GPD1L: variants seen among roughly 807,000 people sequenced by gnomAD.
GPD1L encodes the protein glycerol-3-phosphate dehydrogenase 1-like protein.
GPD1L carries 17 observed loss-of-function variants against 32.9 expected under a neutral mutation model. The observed-to-expected ratio is 0.52, with a 90% CI of 0.35 to 0.78. The LOEUF is 0.78. Ranked by LOEUF, GPD1L falls within the 30% of genes least tolerant of loss-of-function variation. The pLI is 0.01. For synonymous variants in GPD1L, 187 were observed against 165.9 expected, an observed-to-expected ratio of 1.13 and a Z score of -0.98; for missense variants, 361 against 447.8, an observed-to-expected ratio of 0.81 and a Z score of 1.75.
At position 32,161,652 on chromosome 3, in the gene GPD1L, G is replaced by T. The variant is rs191571799; in HGVS notation, c.959+1978G>T. The stretch of plus-strand genomic sequence containing the variant: ...TGGGCATTAGCCTGTTAGCTCCAGG[G>T]GGACATGGACTAGAATTGCGATTCT... On this transcript the variant is annotated intron_variant, in intron 7 of 7. Coordinates refer to ENST00000282541, the MANE Select transcript of GPD1L (RefSeq NM_015141.4). Among the ~76,000 whole-genome samples, 12 of 152,324 alleles carry T rather than the reference G, an allele frequency of 7.9e-5. No homozygotes were observed. The East Asian group carries it at 2.1e-3, about 27-fold the overall frequency.
intron 1 of GPD1L, among the ~76,000 whole-genome samples, chr3:32,119,175 C>A (rs1224631257): frequency 6.6e-6 from 1 of 152,148 alleles, no homozygotes; most frequent in East Asian, 1.9e-4. Flanking sequence ...ATTTTTAATT[C>A]TTTGAGGGAC....
intron 1 of GPD1L, among the ~76,000 whole-genome samples, chr3:32,121,985 G>A (rs1700430466): frequency 6.6e-6 from 1 of 151,874 alleles, no homozygotes; most frequent in South Asian, 2.1e-4. Flanking sequence ...TGGTCAGGCT[G>A]GTCTTGAACT....
chr3:32,108,403 A>G (rs1468896946), intron 1 of GPD1L, among the ~76,000 whole-genome samples: 1 of 152,180 alleles, frequency 6.6e-6, no homozygotes, highest in Non-Finnish European at 1.5e-5. Context: ...GCTACTTGGG[A>G]TGCTAAGGCA....
intron 4 of GPD1L, among the ~76,000 whole-genome samples, chr3:32,144,979 C>T (rs868024683): frequency 1.9e-4 from 28 of 150,470 alleles, no homozygotes; most frequent in African/African-American, 6.8e-4. Context: ...GCTGGGATTA[C>T]AGGCATGAGC....
chr3:32,143,963 CAG>C (rs1368443105), intron 4 of GPD1L, among the ~76,000 whole-genome samples: 1 of 152,110 alleles, frequency 6.6e-6, no homozygotes, highest in Non-Finnish European at 1.5e-5. Context: ...GCCTGGGTGA[CAG>C]AGCAAGACCT....
chr3:32,165,133 G>A (rs1701127792), intron 7 of GPD1L, among the ~76,000 whole-genome samples: 1 of 152,180 alleles, frequency 6.6e-6, no homozygotes, highest in African/African-American at 2.4e-5. Context: ...TTGAATCCAG[G>A]AGGCAGAGGT....
intron 1 of GPD1L, among the ~76,000 whole-genome samples, chr3:32,124,366 A>T (rs543009473): frequency 5.5e-4 from 84 of 151,948 alleles, no homozygotes; most frequent in African/African-American, 1.9e-3. Context: ...CCCCCGGCCC[A>T]TTTCTTTAGA....
At chr3:32,160,106 C>T (rs944806000) in intron 7 of GPD1L, among the ~76,000 whole-genome samples, 1 of 151,506 alleles carries the variant, frequency 6.6e-6, no homozygotes, top group African/African-American at 2.4e-5. Context: ...TAGAAGGTAG[C>T]TCTGTTAAGT....
At position 32,106,710 on chromosome 3, in the gene GPD1L, C is replaced by T. The variant is rs1194776697; in HGVS notation, c.-2C>T. 6.4e-7 allele frequency: 1 copy of T among 1,562,224 alleles called. No homozygotes were observed. Among genetic ancestry groups the T allele is most frequent in the Non-Finnish European group, 8.7e-7 (1 of 1,155,490 alleles). On this transcript the variant is annotated 5_prime_UTR_variant, in exon 1 of 8. Coordinates refer to ENST00000282541, the MANE Select transcript of GPD1L (RefSeq NM_015141.4). The surrounding 1 kb of genome is among the most constrained non-coding windows in gnomAD (Gnocchi z 4.0). ...GTCCAGGCGGCTACATTCGGCCCGG[C>T]CATGGCAGCGGCGCCCCTGAAAGTG...
rs1575125044 is a variant in GPD1L at position 32,165,882 on chromosome 3, G to A, written c.1028G>A (p.Cys343Tyr). 2 of 1,602,452 alleles carry A rather than the reference G, an allele frequency of 1.2e-6. No individual in the cohort carries two copies. Among genetic ancestry groups the A allele is most frequent in the African/African-American group, 1.3e-5 (1 of 74,790 alleles). The change falls in exon 8 of 8, where the codon TGT (cysteine) becomes TAT (tyrosine). Residue 343 changes from cysteine (C) to tyrosine (Y), a missense_variant. Physicochemically the swap from Cys to Tyr is radical, Grantham distance 194 (BLOSUM62 -2). Transcript: ENST00000282541. ...AGACCAGTTCAAGAGATGTTGTCTT[G>A]TCTTCAGAGCCATCCAGAGCATACA... ...ESRPVQEMLS[C>Y]LQSHPEHT
chr3:32,158,938 G>A lies in GPD1L; in HGVS notation c.681G>A (p.Ala227=), dbSNP rs973664942. The change falls in exon 6 of 8, where the codon GCG becomes GCA. Residue 227 remains alanine, a synonymous_variant. Coordinates refer to ENST00000282541, the MANE Select transcript of GPD1L (RefSeq NM_015141.4). Reference sequence around the variant, plus strand: ...TCCGCTGTGGAGACAACACCAAAGCGGCCGTCATCCGCCTGGGACTCATGG... The same window carrying A: ...TCCGCTGTGGAGACAACACCAAAGCAGCCGTCATCCGCCTGGGACTCATGG... ...DGLRCGDNTK[A]AVIRLGLMEM... 9.9e-6 allele frequency: 16 copies of A among 1,614,116 alleles called. No homozygotes were observed. Among genetic ancestry groups the A allele is most frequent in the East Asian group, 2.2e-5 (1 of 44,884 alleles).
intron 2 of GPD1L, among the ~76,000 whole-genome samples, chr3:32,129,524 G>A (rs1346693550): frequency 6.6e-6 from 1 of 152,142 alleles, no homozygotes; most frequent in Non-Finnish European, 1.5e-5. Flanking sequence ...TTATATAGTG[G>A]AGGAAACCAA....
intron 1 of GPD1L, among the ~76,000 whole-genome samples, chr3:32,119,363 A>G (rs774879784): frequency 6.6e-6 from 1 of 152,188 alleles, no homozygotes; most frequent in African/African-American, 2.4e-5. Context: ...ATCATATGGT[A>G]TGTACAATTT....
At chr3:32,123,424 C>T (rs1700454212) in intron 1 of GPD1L, among the ~76,000 whole-genome samples, 1 of 152,102 alleles carries the variant, frequency 6.6e-6, no homozygotes, top group African/African-American at 2.4e-5. Context: ...GGCACTGCAG[C>T]GAGACATTCT....
At chr3:32,141,495 T>C (rs2125487051) in intron 4 of GPD1L, among the ~76,000 whole-genome samples, 1 of 152,354 alleles carries the variant, frequency 6.6e-6, no homozygotes, top group Non-Finnish European at 1.5e-5. Flanking sequence ...GTTAACATAC[T>C]GTACATCCTC....
chr3:32,138,024 G>A (rs1700690992), intron 2 of GPD1L, among the ~76,000 whole-genome samples: 1 of 152,244 alleles, frequency 6.6e-6, no homozygotes, highest in African/African-American at 2.4e-5. Context: ...GCCTTAGAAA[G>A]GGGCTGCCTG....
intron 1 of GPD1L, among the ~76,000 whole-genome samples, chr3:32,115,758 CTT>C (rs539068850): frequency 2.2e-5 from 1 of 45,086 alleles, no homozygotes; most frequent in Non-Finnish European, 4.9e-5. Context: ...GTACGTTGAA[CTT>C]TTTTTTTTTT....
chr3:32,153,992 T>G (rs1559581364), intron 5 of GPD1L, among the ~76,000 whole-genome samples: 2 of 152,016 alleles, frequency 1.3e-5, no homozygotes, highest in South Asian at 2.1e-4. Flanking sequence ...TAAAGCAGAT[T>G]TAAATGCACA....
At chr3:32,141,740 C>G (rs184494659) in intron 4 of GPD1L, among the ~76,000 whole-genome samples, 1 of 152,150 alleles carries the variant, frequency 6.6e-6, no homozygotes, top group African/African-American at 2.4e-5. Flanking sequence ...TAATTTCCCA[C>G]CCATTTCCCT....
Sources: gnomAD v4.1 joint callset for allele counts (sites outside exome capture counted in the v4.1 genomes callset) on GRCh38, gnomAD v4.1.1 for gene constraint, Gnocchi (gnomAD v3.1) non-coding constraint, MANE v1.5 for transcripts, NCBI Gene and HGNC (gene_info 2026-07-23, HGNC 2026-07-21) for gene names.